The following NCKAP5 variants were observed in gnomAD, a reference collection of about 807,000 sequenced individuals.
NCKAP5 encodes nck-associated protein 5.
Under a neutral mutation model 167.0 loss-of-function variants are expected in NCKAP5, and 92 were observed. The observed-to-expected ratio is 0.55, with a 90% confidence interval of 0.47 to 0.66. The LOEUF is 0.66. Ranked by LOEUF, NCKAP5 falls within the 30% of genes least tolerant of loss-of-function variation. NCKAP5 has a pLI of 0.00. For synonymous variants in NCKAP5, 891 were observed against 877.4 expected, an observed-to-expected ratio of 1.02 and a Z score of -0.27; for missense variants, 2,378 against 2,315.0, an observed-to-expected ratio of 1.03 and a Z score of -0.56.
intron 3 of NCKAP5, among the ~76,000 whole-genome samples, chr2:133,306,230 G>A (rs1176351026): frequency 1.3e-5 from 2 of 152,216 alleles, no homozygotes; most frequent in Non-Finnish European, 2.9e-5. Context: ...CAAGAGCTTT[G>A]GGAGCAAGTA....
intron 5 of NCKAP5, among the ~76,000 whole-genome samples, chr2:133,168,390 A>T (rs1202111296): frequency 6.6e-6 from 1 of 150,914 alleles, no homozygotes; most frequent in African/African-American, 2.4e-5. Flanking sequence ...CTAATGGACT[A>T]TTCCCTGCTC....
chr2:133,565,752 TGAA>T (rs900189650), intron 1 of NCKAP5, among the ~76,000 whole-genome samples: 1 of 152,232 alleles, frequency 6.6e-6, no homozygotes, highest in African/African-American at 2.4e-5. Context: ...TCAACCACAG[TGAA>T]GAAGAATTTA....
At chr2:132,987,695 A>G (rs1039510367) in intron 7 of NCKAP5, among the ~76,000 whole-genome samples, 1 of 152,164 alleles carries the variant, frequency 6.6e-6, no homozygotes. Context: ...AGAGAGAACC[A>G]AAAACTTGGA....
intron 7 of NCKAP5, among the ~76,000 whole-genome samples, chr2:132,978,362 T>C (rs562754184): frequency 1.3e-5 from 2 of 152,250 alleles, no homozygotes; most frequent in African/African-American, 2.4e-5. Flanking sequence ...GCCACAATCA[T>C]AGGGAGGGGA....
At chr2:133,577,731 T>G in the NCKAP5 span, among the ~76,000 whole-genome samples, 1 of 152,170 alleles carries the variant, frequency 6.6e-6, no homozygotes, top group Non-Finnish European at 1.5e-5. Flanking sequence ...TTTAATTCAT[T>G]GCCCTCATGT....
chr2:133,470,441 G>A (rs61940971), intron 3 of NCKAP5, among the ~76,000 whole-genome samples: 1 of 152,072 alleles, frequency 6.6e-6, no homozygotes, highest in Non-Finnish European at 1.5e-5. Flanking sequence ...ATTTAAGTCT[G>A]CAGAGGTTGC....
chr2:133,469,984 A>T (rs1388123590), intron 3 of NCKAP5, among the ~76,000 whole-genome samples: 1 of 151,482 alleles, frequency 6.6e-6, no homozygotes, highest in East Asian at 2.0e-4. Flanking sequence ...GAGTAATTTG[A>T]TCGTCTGAAG....
At chr2:132,899,166 A>C (rs1212347604) in intron 8 of NCKAP5, among the ~76,000 whole-genome samples, 2 of 152,212 alleles carry the variant, frequency 1.3e-5, no homozygotes, top group Non-Finnish European at 2.9e-5. Flanking sequence ...TACATGAAGC[A>C]GTGGTTGTTT....
intron 2 of NCKAP5, among the ~76,000 whole-genome samples, chr2:133,519,181 AC>A (rs1684271453): frequency 6.6e-6 from 1 of 152,088 alleles, no homozygotes; most frequent in Non-Finnish European, 1.5e-5. Context: ...ATCATGAGAA[AC>A]TGATGGGCTC....
At chr2:133,457,127 T>G (rs866560732) in intron 3 of NCKAP5, among the ~76,000 whole-genome samples, 3 of 152,116 alleles carry the variant, frequency 2.0e-5, no homozygotes, top group Non-Finnish European at 2.9e-5. Context: ...AAGACAGAGA[T>G]TCCATCTGAC....
chr2:133,595,077 C>T, the NCKAP5 span, among the ~76,000 whole-genome samples: 1 of 152,160 alleles, frequency 6.6e-6, no homozygotes, highest in South Asian at 2.1e-4. Flanking sequence ...CAACTTTCTA[C>T]TGGAGATGGC....
intron 6 of NCKAP5, among the ~76,000 whole-genome samples, chr2:133,022,008 T>C (rs1237829899): frequency 6.6e-6 from 1 of 152,188 alleles, no homozygotes; most frequent in Non-Finnish European, 1.5e-5. Context: ...CATTATGATA[T>C]ATTTTCTCCT....
At position 132,708,946 on chromosome 2, in the gene NCKAP5, T is replaced by A. The variant is rs967603513; in HGVS notation, c.5713+16681A>T. ...TCAAGGAATGTTAATGCTTTTTGCA[T>A]CTGATTTAAGGATCCTTTCTCTTCT... On this transcript the variant is annotated intron_variant, in intron 19 of 19. Transcript: ENST00000409261. Among the ~76,000 whole-genome samples the A allele has an allele frequency of 9.1e-4, 138 of 152,280 alleles. 1 individual carries two copies. Among genetic ancestry groups the A allele is most frequent in the African/African-American group, 3.2e-3 (132 of 41,578 alleles).
chr2:133,404,827 G>A (rs544236860), intron 3 of NCKAP5, among the ~76,000 whole-genome samples: 29 of 152,130 alleles, frequency 1.9e-4, no homozygotes, highest in African/African-American at 2.9e-4. Context: ...GCTGTCTTCC[G>A]CTCTTTAGCC....
At chr2:132,918,664 T>C (rs1574625930) in intron 8 of NCKAP5, among the ~76,000 whole-genome samples, 1 of 152,294 alleles carries the variant, frequency 6.6e-6, no homozygotes, top group East Asian at 1.9e-4. Flanking sequence ...GCTTTGCATT[T>C]CTCTAGATTT....
chr2:133,509,525 G>T (rs546974914), intron 3 of NCKAP5, among the ~76,000 whole-genome samples: 1 of 151,114 alleles, frequency 6.6e-6, no homozygotes, highest in East Asian at 1.9e-4. Flanking sequence ...ATAAGCAGCT[G>T]CTCACTGCTA....
At chr2:133,401,848 G>A (rs999305724) in intron 3 of NCKAP5, among the ~76,000 whole-genome samples, 1 of 152,062 alleles carries the variant, frequency 6.6e-6, no homozygotes, top group African/African-American at 2.4e-5. Context: ...AGTTTATTAA[G>A]CTCCCTAGAA....
the NCKAP5 span, among the ~76,000 whole-genome samples, chr2:133,652,340 T>C: frequency 2.6e-5 from 4 of 152,242 alleles, no homozygotes; most frequent in African/African-American, 9.6e-5. Flanking sequence ...AGATAGTTAT[T>C]AATTCCTTAA....
chr2:132,929,276 T>C lies in NCKAP5; in HGVS notation c.579+34444A>G, dbSNP rs184574981. Among the ~76,000 whole-genome samples, 9 of 151,864 alleles carry C rather than the reference T, an allele frequency of 5.9e-5. No homozygotes were observed. In the East Asian group the frequency reaches 1.7e-3, roughly 29 times the overall value. On this transcript the variant is annotated intron_variant, in intron 8 of 19. Coordinates refer to ENST00000409261, the MANE Select transcript of NCKAP5 (RefSeq NM_207363.3). ...GGTATTTTATTATGTAAGCCCAAAA[T>C]AAGACAGAGGCAATGAAAAAAAAAA...
Sources: gnomAD v4.1 joint callset for allele counts (sites outside exome capture counted in the v4.1 genomes callset) on GRCh38, gnomAD v4.1.1 for gene constraint, MANE v1.5 for transcripts, NCBI Gene and HGNC (gene_info 2026-07-23, HGNC 2026-07-21) for gene names.